Variants in ZFHX3 observed in about 807,000 individuals in gnomAD.
ZFHX3 encodes zinc finger homeobox 3.
Under a neutral mutation model 279.1 loss-of-function variants are expected in ZFHX3, and 42 were observed. That is an observed-to-expected ratio of 0.15 (90% CI 0.12 to 0.19). ZFHX3 has a LOEUF of 0.19. ZFHX3 is among the 10% of genes least tolerant of loss of function. ZFHX3 has a pLI of 1.00. For synonymous variants in ZFHX3, 2,293 were observed against 1,957.8 expected (o/e 1.17, Z -4.52); for missense variants, 4,981 against 4,754.0 (o/e 1.05, Z -1.40).
At chr16:73,205,435 C>G (rs193103699) in intron 5 of ZFHX3, among the ~76,000 whole-genome samples, 1 of 152,138 alleles carries the variant, frequency 6.6e-6, no homozygotes, top group East Asian at 1.9e-4. Context: ...GCCAGTAAAA[C>G]GATTTAGTTA....
intron 4 of ZFHX3, among the ~76,000 whole-genome samples, chr16:72,888,748 G>C (rs1172027597): frequency 2.0e-5 from 3 of 152,214 alleles, no homozygotes; most frequent in African/African-American, 4.8e-5. Flanking sequence ...CCTGGGCTGT[G>C]TCAATCAAAG....
At chr16:73,284,057 G>A (rs144969111) in intron 4 of ZFHX3, among the ~76,000 whole-genome samples, 5 of 152,174 alleles carry the variant, frequency 3.3e-5, no homozygotes, top group East Asian at 3.9e-4. Context: ...GGTGGCTCAC[G>A]CCTGTAACCC....
intron 1 of ZFHX3, among the ~76,000 whole-genome samples, chr16:73,787,092 TAA>T (rs1415946765): frequency 6.6e-6 from 1 of 152,224 alleles, no homozygotes; most frequent in Non-Finnish European, 1.5e-5. Context: ...TTTCATACTT[TAA>T]CTGTCATTTT....
chr16:73,860,838 C>T (rs1001747030), intron 1 of ZFHX3, among the ~76,000 whole-genome samples: 3 of 152,136 alleles, frequency 2.0e-5, no homozygotes, highest in Non-Finnish European at 4.4e-5. Context: ...GTGTCAGGGG[C>T]CACTCCCCCA....
chr16:72,814,567 C>T (rs1263041539), intron 5 of ZFHX3, among the ~76,000 whole-genome samples: 4 of 151,360 alleles, frequency 2.6e-5, no homozygotes, highest in African/African-American at 9.7e-5. Flanking sequence ...ATTCTGGTTT[C>T]AGAAGCCACT....
At chr16:73,545,686 T>C (rs1269916285) in intron 2 of ZFHX3, among the ~76,000 whole-genome samples, 1 of 152,148 alleles carries the variant, frequency 6.6e-6, no homozygotes, top group African/African-American at 2.4e-5. Context: ...ATTTATCAAT[T>C]TGATGCTGTT....
chr16:73,444,328 T>G (rs573350543), intron 3 of ZFHX3, among the ~76,000 whole-genome samples: 1 of 152,226 alleles, frequency 6.6e-6, no homozygotes, highest in East Asian at 1.9e-4. Flanking sequence ...GTATAAACAC[T>G]TTACTGTGCA....
rs192653980 is a variant in ZFHX3, at chr16:73,402,022, G to A, written c.-1291+53981C>T. 4 of 152,326 alleles carry A rather than the reference G, an allele frequency of 2.6e-5. No homozygotes were observed. The East Asian group carries it at 7.7e-4, about 29-fold the overall frequency. The allele number at this position is 152,326 out of a possible 1,614,324, so 9.4% of individuals were successfully genotyped here. On this transcript the variant is annotated intron_variant, in intron 3 of 17. Coordinates refer to the ZFHX3 transcript ENST00000641206. Reference sequence around the variant, plus strand: ...GAGTCACCCTCTATATGGAAATGTGGTCAAAATACTAGTCCAGGAAAGGAA... The same window carrying A: ...GAGTCACCCTCTATATGGAAATGTGATCAAAATACTAGTCCAGGAAAGGAA...
intron 5 of ZFHX3, among the ~76,000 whole-genome samples, chr16:72,827,306 A>C (rs1433981911): frequency 6.6e-6 from 1 of 152,186 alleles, no homozygotes; most frequent in Admixed American, 6.5e-5. Context: ...ACTTACATAG[A>C]GCTTACAACA....
chr16:73,199,151 C>G (rs2144897106), intron 5 of ZFHX3, among the ~76,000 whole-genome samples: 1 of 152,266 alleles, frequency 6.6e-6, no homozygotes, highest in East Asian at 1.9e-4. Flanking sequence ...ACTATACCAT[C>G]AAATTCTGGA....
chr16:73,666,414 A>G (rs1281881634), intron 2 of ZFHX3, among the ~76,000 whole-genome samples: 1 of 151,890 alleles, frequency 6.6e-6, no homozygotes, highest in Non-Finnish European at 1.5e-5. Flanking sequence ...ATCAAATATA[A>G]GGTCTTTGGC....
intron 7 of ZFHX3, among the ~76,000 whole-genome samples, chr16:73,119,266 G>A (rs1214386686): frequency 2.0e-5 from 3 of 152,006 alleles, no homozygotes; most frequent in Non-Finnish European, 4.4e-5. Flanking sequence ...ACTATGCCCA[G>A]CTAAATTTTA....
At chr16:73,271,605 G>T (rs8060243) in intron 4 of ZFHX3, among the ~76,000 whole-genome samples, 2 of 152,132 alleles carry the variant, frequency 1.3e-5, no homozygotes, top group Admixed American at 1.3e-4. Flanking sequence ...TTCTTCACCT[G>T]TAAAATGGGG....
chr16:73,009,058 G>A (rs936065437), intron 1 of ZFHX3, among the ~76,000 whole-genome samples: 1 of 151,996 alleles, frequency 6.6e-6, no homozygotes, highest in African/African-American at 2.4e-5. Flanking sequence ...ATCTCCTTAC[G>A]CAGCCTTTCC....
At position 72,794,106 on chromosome 16, in the gene ZFHX3, G is replaced by C. The variant is rs373169458; in HGVS notation, c.8576C>G (p.Thr2859Arg). 2 of 1,614,206 alleles carry C rather than the reference G, an allele frequency of 1.2e-6. No homozygotes were observed. Among genetic ancestry groups the C allele is most frequent in the Admixed American group, 1.7e-5 (1 of 60,024 alleles). ...GGATTTGGTTTCAGTTGCTATTCCC[G>C]TTGCACTGTCGTTATCTGCGTTGCC... The part of the protein sequence containing the change: ...DEGNADNDSA[T>R]GIATETKSSS... The change falls in exon 9 of 10, where the codon ACG becomes AGG. Residue 2859 changes from threonine (T) to arginine (R), a missense_variant. Thr to Arg is a moderately conservative substitution (Grantham distance 71, BLOSUM62 -1). Transcript: ENST00000268489. The surrounding 1 kb of genome is among the most constrained non-coding windows in gnomAD (Gnocchi z 4.2).
intron 1 of ZFHX3, among the ~76,000 whole-genome samples, chr16:73,739,726 ACAAT>A (rs2053638310): frequency 6.6e-6 from 1 of 152,200 alleles, no homozygotes; most frequent in African/African-American, 2.4e-5. Flanking sequence ...TGAAGGCCAA[ACAAT>A]CAGTTTCCCT....
intron 7 of ZFHX3, among the ~76,000 whole-genome samples, chr16:72,804,255 A>G (rs1242633591): frequency 6.6e-6 from 1 of 152,198 alleles, no homozygotes; most frequent in Admixed American, 6.5e-5. Flanking sequence ...CATTCAATTG[A>G]CCACCATTTA....
rs779397374 is a variant in ZFHX3, at chr16:73,694,361, T to G, written c.-1607-14121A>C. On this transcript the variant is annotated intron_variant, in intron 1 of 17. Transcript: ENST00000641206. ...TTTATTTTATTTTTATTTATTTTTT[T>G]GAGATGGAGTCTTGCTCTGTCGCCC... 1.1e-3 allele frequency among the ~76,000 whole-genome samples: 160 copies of G among 152,182 alleles called. 1 individual carries two copies. The highest frequency in any genetic ancestry group is 1.9e-3 in the Non-Finnish European group (132 of 68,026).
rs116937874 is a variant in ZFHX3 at position 73,876,576 on chromosome 16, T to C, written c.-1608+15075A>G. Among the ~76,000 whole-genome samples the C allele has an allele frequency of 2.1e-3, 324 of 152,340 alleles. 11 individuals are homozygous for C. The East Asian group carries it at 0.055, about 26-fold the overall frequency. ...TACATTATCACTTTTCTTTTTTTGC[T>C]TTTTGCTAAAATAAGTCTGGAAACC... On this transcript the variant is annotated intron_variant, in intron 1 of 17. Transcript: ENST00000641206.
Sources: allele counts gnomAD v4.1 joint callset (sites outside exome capture counted in the v4.1 genomes callset), GRCh38; gene constraint gnomAD v4.1.1; non-coding constraint Gnocchi (gnomAD v3.1); transcripts MANE v1.5; gene names NCBI Gene and HGNC (gene_info 2026-07-23, HGNC 2026-07-21).